ANKRD17: variants seen among roughly 807,000 people sequenced by gnomAD.
The protein encoded by ANKRD17 is ankyrin repeat domain-containing protein 17.
A neutral mutation model predicts 229.7 loss-of-function variants in ANKRD17; 19 were observed. That is an observed-to-expected ratio of 0.08 (90% confidence interval 0.06 to 0.12). The LOEUF is 0.12. Ranked by LOEUF, ANKRD17 falls within the 10% of genes least tolerant of loss-of-function variation. The pLI is 1.00. For missense variants in ANKRD17, 2,176 were observed against 3,176.8 expected (o/e 0.68, Z 7.57); for synonymous variants, 1,112 against 1,146.1 (o/e 0.97, Z 0.60).
chr4:73,106,812 G>A lies in ANKRD17; in HGVS notation c.4402-4265C>T, dbSNP rs989751951. ...GAGAATCGCTTGAACCCAGGAGGCG[G>A]AGGTTGCAGTGAGCCGAGATTGCGC... On this transcript the variant is annotated intron_variant, in intron 24 of 33. Coordinates refer to ENST00000358602, the MANE Select transcript of ANKRD17 (RefSeq NM_032217.5). Among the ~76,000 whole-genome samples, 4 of 151,290 alleles carry A rather than the reference G, an allele frequency of 2.6e-5. No homozygotes were observed. In the East Asian group the frequency reaches 7.8e-4, roughly 30 times the overall value.
At chr4:73,194,620 G>C (rs913229277) in intron 1 of ANKRD17, among the ~76,000 whole-genome samples, 2 of 152,038 alleles carry the variant, frequency 1.3e-5, no homozygotes, top group Non-Finnish European at 2.9e-5. Context: ...CTTGTTTTCG[G>C]GGGAATTTAC....
intron 1 of ANKRD17, 100 bp downstream of exon 1, chr4:73,258,176 C>A (rs1745649101): frequency 1.9e-6 from 3 of 1,567,970 alleles, no homozygotes; most frequent in African/African-American, 2.7e-5. Context: ...CCTAAGAGAT[C>A]AACCCACTGG....
At chr4:73,122,063 G>A (rs528915166) in intron 18 of ANKRD17, among the ~76,000 whole-genome samples, 2 of 152,174 alleles carry the variant, frequency 1.3e-5, no homozygotes, top group South Asian at 2.1e-4. Flanking sequence ...ACCACAAAGC[G>A]GTAAAATAGA....
intron 16 of ANKRD17, among the ~76,000 whole-genome samples, chr4:73,129,741 A>C (rs948168434): frequency 2.6e-4 from 39 of 151,788 alleles, no homozygotes; most frequent in Non-Finnish European, 4.1e-4. Flanking sequence ...ACAACAACAA[A>C]AAAGTACATC....
chr4:73,215,826 T>C (rs957435621), intron 1 of ANKRD17, among the ~76,000 whole-genome samples: 2 of 152,234 alleles, frequency 1.3e-5, no homozygotes, highest in African/African-American at 4.8e-5. Flanking sequence ...AAATAGTTTT[T>C]GTTTTTTTAT....
Position 73,146,784 on chromosome 4 carries a change from G to C in ANKRD17, c.1849C>G (p.Leu617Val), listed in dbSNP as rs1293070874. The change falls in exon 10 of 34, where the codon CTT (leucine) becomes GTT (valine). Residue 617 changes from leucine to valine, a missense_variant. Leu to Val is a conservative substitution (Grantham distance 32, BLOSUM62 1). Around this residue, in one of 18 missense-constraint regions of ANKRD17, gnomAD observed 275 missense variants for 386.9 expected, o/e 0.71. Coordinates refer to ENST00000358602, the MANE Select transcript of ANKRD17 (RefSeq NM_032217.5). ...CTTACCAGATCTGCGCCTGCCTGAA[G>C]TAAGACATCTGCTACATCAGTATGA... ...NGHTDVADVL[L>V]QAGADLEHES... The C allele has an allele frequency of 6.2e-7, 1 of 1,609,986 alleles. No homozygotes were observed. The highest frequency in any genetic ancestry group is 8.5e-7 in the Non-Finnish European group (1 of 1,177,452).
intron 1 of ANKRD17, among the ~76,000 whole-genome samples, chr4:73,179,466 A>ATGTGTG (rs55769249): frequency 2.6e-4 from 16 of 60,776 alleles, no homozygotes; most frequent in African/African-American, 7.3e-4. Flanking sequence ...ATATGTATAT[A>ATGTGTG]TGTGTGTGTG....
chr4:73,096,497 TA>T (rs765566704), intron 27 of ANKRD17, among the ~76,000 whole-genome samples: 7 of 152,192 alleles, frequency 4.6e-5, no homozygotes, highest in African/African-American at 9.6e-5. Flanking sequence ...CAGTAGTTAC[TA>T]AGTTTGGTTC....
chr4:73,170,583 A>G (rs935930970), intron 2 of ANKRD17, among the ~76,000 whole-genome samples: 1 of 151,962 alleles, frequency 6.6e-6, no homozygotes, highest in Non-Finnish European at 1.5e-5. Flanking sequence ...GGGGTCTCCT[A>G]TTCCAAGGCT....
At position 73,077,187 on chromosome 4, in the gene ANKRD17, T is replaced by G. The variant is rs929574211; in HGVS notation, c.7588-83A>C. 4.2e-6 allele frequency: 6 copies of G among 1,417,044 alleles called. No individual in the cohort carries two copies. The Admixed American group carries it at 1.7e-4, about 39-fold the overall frequency. The allele number at this position is 1,417,044 out of a possible 1,614,324, so 87.8% of individuals were successfully genotyped here. On this transcript the variant is annotated intron_variant, in intron 32 of 33. Transcript: ENST00000358602. ...TAATCAATAGCCTTAAAATTGATAT[T>G]TGAAAGTTCACCTCATCCTGGGAAT... is the stretch of plus-strand genomic sequence containing the variant.
chr4:73,165,167 A>G (rs1209354152), intron 2 of ANKRD17, among the ~76,000 whole-genome samples: 1 of 152,240 alleles, frequency 6.6e-6, no homozygotes, highest in Admixed American at 6.5e-5. Context: ...CTGAAACACC[A>G]CTATCAAAAG....
intron 2 of ANKRD17, among the ~76,000 whole-genome samples, chr4:73,162,707 A>G (rs1732690352): frequency 2.0e-5 from 3 of 152,178 alleles, no homozygotes; most frequent in Admixed American, 2.0e-4. Context: ...AGAGATGGTT[A>G]GTAACCATCT....
intron 25 of ANKRD17, among the ~76,000 whole-genome samples, chr4:73,100,597 TA>T (rs1278752585): frequency 1.3e-5 from 2 of 152,114 alleles, no homozygotes; most frequent in Non-Finnish European, 2.9e-5. Flanking sequence ...TGCAGTTATG[TA>T]AAATAATGTC....
chr4:73,204,470 T>C (rs1026110817), intron 1 of ANKRD17, among the ~76,000 whole-genome samples: 1 of 151,868 alleles, frequency 6.6e-6, no homozygotes, highest in African/African-American at 2.4e-5. Context: ...AAAATAGATA[T>C]TCTCAAACAA....
intron 5 of ANKRD17, among the ~76,000 whole-genome samples, chr4:73,155,360 A>G (rs928920928): frequency 1.1e-4 from 17 of 152,150 alleles, no homozygotes; most frequent in African/African-American, 1.2e-4. Flanking sequence ...ACACCTCTCA[A>G]TTTCCAAGAG....
chr4:73,226,026 A>G (rs1578460175), intron 1 of ANKRD17, among the ~76,000 whole-genome samples: 1 of 111,814 alleles, frequency 8.9e-6, no homozygotes. Flanking sequence ...CCCAGGTTGG[A>G]GTGCACTGGC....
chr4:73,253,695 A>G (rs1403360331), intron 1 of ANKRD17, among the ~76,000 whole-genome samples: 1 of 152,084 alleles, frequency 6.6e-6, no homozygotes, highest in Non-Finnish European at 1.5e-5. Flanking sequence ...ATTTTTATTT[A>G]CTCTTTAAAA....
intron 27 of ANKRD17, among the ~76,000 whole-genome samples, chr4:73,094,741 A>ATG (rs1723122950): frequency 1.3e-5 from 2 of 150,724 alleles, no homozygotes; most frequent in African/African-American, 4.9e-5. Flanking sequence ...TATATATTAT[A>ATG]TGTGTGTGTG....
At chr4:73,215,930 G>C (rs1416150669) in intron 1 of ANKRD17, among the ~76,000 whole-genome samples, 1 of 152,156 alleles carries the variant, frequency 6.6e-6, no homozygotes, top group East Asian at 1.9e-4. Context: ...GATGGGCATG[G>C]TGGCTGGCAC....
Sources: allele counts gnomAD v4.1 joint callset (sites outside exome capture counted in the v4.1 genomes callset), GRCh38; gene constraint gnomAD v4.1.1; regional missense constraint gnomAD v4.1.1; transcripts MANE v1.5; gene names NCBI Gene and HGNC (gene_info 2026-07-23, HGNC 2026-07-21).